CARMIL1: variants seen among roughly 807,000 people sequenced by gnomAD.
CARMIL1 encodes the protein F-actin-uncapping protein LRRC16A.
CARMIL1 carries 90 observed loss-of-function variants against 177.1 expected under a neutral mutation model. The ratio of observed to expected loss-of-function variants is 0.51; its 90% CI spans 0.43 to 0.61. The LOEUF (loss-of-function observed/expected upper bound fraction) is 0.61, where lower values mean the gene tolerates loss of function less well. Among genes scored for constraint, CARMIL1 ranks in the 20% least tolerant of loss-of-function variants. The probability of loss-of-function intolerance (pLI) is 0.00; values close to 1 mark genes in which losing one functional copy is unlikely to be tolerated. For missense variants in CARMIL1, 1,380 were observed against 1,667.0 expected, an observed-to-expected ratio of 0.83 and a Z score of 3.00; for synonymous variants, 577 against 606.2, an observed-to-expected ratio of 0.95 and a Z score of 0.71.
intron 5 of CARMIL1, among the ~76,000 whole-genome samples, chr6:25,439,521 G>A (rs1797539302): frequency 6.6e-6 from 1 of 152,198 alleles, no homozygotes; most frequent in African/African-American, 2.4e-5. Flanking sequence ...GGCTGTCAAG[G>A]TAGGAGGAAA....
intron 29 of CARMIL1, among the ~76,000 whole-genome samples, chr6:25,578,106 T>C (rs182895699): frequency 2.1e-4 from 32 of 152,294 alleles, no homozygotes; most frequent in Non-Finnish European, 3.8e-4. Context: ...AGAGGTCCAT[T>C]TGCAGTATGT....
intron 2 of CARMIL1, chr6:25,388,255 G>T (rs1469210097): frequency 5.3e-5 from 8 of 152,242 alleles, no homozygotes; most frequent in Admixed American, 5.2e-4. Context: ...ATTTTTTTTG[G>T]TGATGTCTGC....
At chr6:25,540,511 T>G (rs1808793334) in intron 26 of CARMIL1, among the ~76,000 whole-genome samples, 1 of 152,076 alleles carries the variant, frequency 6.6e-6, no homozygotes, top group South Asian at 2.1e-4. Flanking sequence ...GTTGAAAGAC[T>G]AGGAAAGGTA....
At chr6:25,426,380 T>G in intron 3 of CARMIL1, 121 bp from the exon 4 acceptor site, 1 of 638,314 alleles carries the variant, frequency 1.6e-6, no homozygotes, top group Non-Finnish European at 2.6e-6. Flanking sequence ...GCCCAGTGTC[T>G]TATTTGCTCT....
intron 36 of CARMIL1, among the ~76,000 whole-genome samples, chr6:25,613,658 T>A (rs1383281056): frequency 6.6e-6 from 1 of 152,194 alleles, no homozygotes; most frequent in African/African-American, 2.4e-5. Context: ...AAAGTACTCA[T>A]CTCTTCCCTG....
chr6:25,552,701 A>G (rs1429696603), intron 27 of CARMIL1, among the ~76,000 whole-genome samples: 5 of 152,160 alleles, frequency 3.3e-5, no homozygotes, highest in Admixed American at 1.3e-4. Flanking sequence ...TTAAGACTCT[A>G]TCTTTTTTTG....
At chr6:25,328,413 A>C (rs1373425553) in intron 2 of CARMIL1, among the ~76,000 whole-genome samples, 1 of 152,228 alleles carries the variant, frequency 6.6e-6, no homozygotes, top group Non-Finnish European at 1.5e-5. Flanking sequence ...AGAGCCTTGA[A>C]TCTTGCATTA....
chr6:25,331,701 T>C (rs1785639917), intron 2 of CARMIL1, among the ~76,000 whole-genome samples: 1 of 152,138 alleles, frequency 6.6e-6, no homozygotes, highest in South Asian at 2.1e-4. Context: ...TCTAGAAAGC[T>C]ACGTGACTGG....
In CARMIL1 at chr6:25,328,760, T is replaced by C. The variant is rs192036956; in HGVS notation, c.138+43851T>C. ...GACCTTGTAAAAACAGTGATTGTGG[T>C]AATTAAATTGAGATATGAGGAATAT... On this transcript the variant is annotated intron_variant, in intron 2 of 36. Coordinates refer to ENST00000329474, the MANE Select transcript of CARMIL1 (RefSeq NM_017640.6). 3.8e-3 allele frequency among the ~76,000 whole-genome samples: 585 copies of C among 152,194 alleles called. 4 individuals carry two copies. The highest frequency in any genetic ancestry group is 6.0e-3 in the Non-Finnish European group (411 of 68,012).
intron 2 of CARMIL1, among the ~76,000 whole-genome samples, chr6:25,366,744 A>G (rs1447419958): frequency 6.6e-6 from 1 of 152,014 alleles, no homozygotes; most frequent in Non-Finnish European, 1.5e-5. Flanking sequence ...CAAGAGAATA[A>G]TCATGTCTGT....
At chr6:25,434,991 C>A (rs1025169696) in intron 4 of CARMIL1, among the ~76,000 whole-genome samples, 3 of 151,974 alleles carry the variant, frequency 2.0e-5, no homozygotes, top group African/African-American at 4.8e-5. Flanking sequence ...CTATGGGTAC[C>A]CACAGAAAGA....
chr6:25,309,507 A>T lies in CARMIL1; in HGVS notation c.138+24598A>T, dbSNP rs116624510. Among the ~76,000 whole-genome samples the T allele has an allele frequency of 5.2e-3, 794 of 151,370 alleles. 8 individuals carry two copies. Among genetic ancestry groups the T allele is most frequent in the African/African-American group, 0.018 (734 of 41,200 alleles). ...TTTTTTTTTTTAACCCCAAAAAGAAACCTCTTCCCTTTAACACTTATCCCC... is the reference window on the plus strand; with the variant it reads ...TTTTTTTTTTTAACCCCAAAAAGAATCCTCTTCCCTTTAACACTTATCCCC... On this transcript the variant is annotated intron_variant, in intron 2 of 36. Coordinates refer to ENST00000329474, the MANE Select transcript of CARMIL1 (RefSeq NM_017640.6).
intron 2 of CARMIL1, among the ~76,000 whole-genome samples, chr6:25,293,510 C>T (rs986221447): frequency 6.6e-6 from 1 of 151,858 alleles, no homozygotes; most frequent in Non-Finnish European, 1.5e-5. Flanking sequence ...GTCAGCCTCT[C>T]GGGAGCTGGG....
chr6:25,285,903 A>T (rs1781481032), intron 2 of CARMIL1, among the ~76,000 whole-genome samples: 1 of 152,108 alleles, frequency 6.6e-6, no homozygotes, highest in Non-Finnish European at 1.5e-5. Flanking sequence ...ACAGGATTTC[A>T]GTCTGTTGCC....
rs900744573 is a variant in CARMIL1, at chr6:25,577,479, TG to T, written c.2743-3439del. Among the ~76,000 whole-genome samples the T allele has an allele frequency of 2.0e-4, 30 of 151,626 alleles. No individual in the cohort carries two copies. The highest frequency in any genetic ancestry group is 6.1e-4 in the African/African-American group (25 of 41,214). On this transcript the variant is annotated intron_variant, in intron 29 of 36. Coordinates refer to ENST00000329474, the MANE Select transcript of CARMIL1 (RefSeq NM_017640.6). This position sits in a 1 kb window ranked among gnomAD's most constrained non-coding sequence, Gnocchi z 4.5. Reference sequence around the variant, plus strand: ...TTTTTTCTTTCTACAGCCTTGGTGGTGGGGGGAAGTAATTATGGATTCTTGA... The same window carrying T: ...TTTTTTCTTTCTACAGCCTTGGTGGTGGGGGAAGTAATTATGGATTCTTGA...
intron 31 of CARMIL1, among the ~76,000 whole-genome samples, chr6:25,585,882 C>T (rs1183604350): frequency 6.6e-6 from 1 of 152,206 alleles, no homozygotes; most frequent in Admixed American, 6.5e-5. Context: ...TATAGATTAA[C>T]AGCATCCCAA....
At chr6:25,331,797 A>T (rs1785652557) in intron 2 of CARMIL1, among the ~76,000 whole-genome samples, 1 of 152,246 alleles carries the variant, frequency 6.6e-6, no homozygotes. Context: ...ATGAGAAGCC[A>T]ACTGTGAAGT....
intron 20 of CARMIL1, 30 bp downstream of exon 20, chr6:25,510,792 A>C: frequency 7.5e-7 from 1 of 1,338,362 alleles, no homozygotes; most frequent in Non-Finnish European, 1.0e-6. Context: ...TTTTACTAAA[A>C]TCTTCTGTTT....
At chr6:25,422,142 G>A (rs545539214) in intron 3 of CARMIL1, among the ~76,000 whole-genome samples, 4 of 152,232 alleles carry the variant, frequency 2.6e-5, no homozygotes, top group South Asian at 2.1e-4. Flanking sequence ...TACTTATTTA[G>A]ACTTTTTACT....
Sources: gnomAD v4.1 joint callset for allele counts (sites outside exome capture counted in the v4.1 genomes callset) on GRCh38, gnomAD v4.1.1 for gene constraint, Gnocchi (gnomAD v3.1) non-coding constraint, MANE v1.5 for transcripts, NCBI Gene and HGNC (gene_info 2026-07-23, HGNC 2026-07-21) for gene names.